TRAPPC9: variants seen among roughly 807,000 people sequenced by gnomAD.
The protein encoded by TRAPPC9 is IKK2 binding protein.
TRAPPC9 carries 83 observed loss-of-function variants against 124.0 expected under a neutral mutation model. That is an observed-to-expected ratio of 0.67 (90% CI 0.56 to 0.80). The LOEUF (loss-of-function observed/expected upper bound fraction) is 0.80, where lower values mean the gene tolerates loss of function less well. Among genes scored for constraint, TRAPPC9 ranks in the 30% least tolerant of loss-of-function variants. The probability of loss-of-function intolerance (pLI) is 0.00; values close to 1 mark genes in which losing one functional copy is unlikely to be tolerated. For missense variants in TRAPPC9, 1,302 were observed against 1,508.3 expected, an observed-to-expected ratio of 0.86 and a Z score of 2.27; for synonymous variants, 638 against 617.5, an observed-to-expected ratio of 1.03 and a Z score of -0.49.
chr8:140,300,972 GGTT>G (rs1486240290), intron 10 of TRAPPC9, among the ~76,000 whole-genome samples: 1 of 152,176 alleles, frequency 6.6e-6, no homozygotes, highest in East Asian at 1.9e-4. Context: ...CTAAGACGTA[GGTT>G]CCTTGTGTAT....
In TRAPPC9 at chr8:140,288,214, G is replaced by A. The variant is rs114762518; in HGVS notation, c.1855-480C>T. Among the ~76,000 whole-genome samples, 943 of 152,202 alleles carry A rather than the reference G, an allele frequency of 6.2e-3. 9 individuals are homozygous for A. Among genetic ancestry groups the A allele is most frequent in the African/African-American group, 0.021 (884 of 41,528 alleles). ...TTTAATTAGCCAGGGAAGGTGGCAC[G>A]CACCTGTGGTCCCAACTACTTGGGA... On this transcript the variant is annotated intron_variant, in intron 12 of 22. Coordinates refer to ENST00000438773, the MANE Select transcript of TRAPPC9 (RefSeq NM_001160372.4).
At chr8:140,064,159 A>G (rs560346699) in intron 17 of TRAPPC9, among the ~76,000 whole-genome samples, 2 of 152,300 alleles carry the variant, frequency 1.3e-5, no homozygotes, top group South Asian at 2.1e-4. Flanking sequence ...TGGCAGGAAT[A>G]ACAAATTTCT....
At chr8:139,939,309 A>T (rs2614715) in intron 19 of TRAPPC9, among the ~76,000 whole-genome samples, 28 of 152,278 alleles carry the variant, frequency 1.8e-4, no homozygotes, top group South Asian at 6.2e-4. Flanking sequence ...CAGGGCCCTG[A>T]GGTGAGTGGA....
chr8:139,901,602 G>A (rs748648417), intron 20 of TRAPPC9, among the ~76,000 whole-genome samples: 1 of 152,230 alleles, frequency 6.6e-6, no homozygotes, highest in Admixed American at 6.5e-5. Flanking sequence ...TGGAGAGCAG[G>A]TGAAATGGAC....
chr8:140,033,001 A>AT (rs1167869901), intron 17 of TRAPPC9, among the ~76,000 whole-genome samples: 1 of 152,226 alleles, frequency 6.6e-6, no homozygotes, highest in African/African-American at 2.4e-5. Flanking sequence ...ATCTTTCCAT[A>AT]TGCTTGGCAC....
chr8:140,213,585 A>AT (rs11402721), intron 17 of TRAPPC9, among the ~76,000 whole-genome samples: 38,717 of 149,726 alleles, frequency 0.26, 6,026 homozygotes, highest in East Asian at 0.56. Context: ...TTTAATCTAC[A>AT]TTTTTTTTTT....
intron 21 of TRAPPC9, among the ~76,000 whole-genome samples, chr8:139,759,030 C>T (rs1820043901): frequency 6.6e-6 from 1 of 152,216 alleles, no homozygotes; most frequent in Non-Finnish European, 1.5e-5. Flanking sequence ...TCTGGTCCGC[C>T]TCAGCATGCG....
chr8:139,806,066 G>A (rs1824031545), intron 21 of TRAPPC9: 2 of 152,200 alleles, frequency 1.3e-5, no homozygotes, highest in African/African-American at 4.8e-5. Flanking sequence ...GGCGTTAATT[G>A]AGAGCTTCCT....
At chr8:139,831,884 A>C (rs1826019244) in intron 21 of TRAPPC9, among the ~76,000 whole-genome samples, 2 of 152,176 alleles carry the variant, frequency 1.3e-5, no homozygotes, top group African/African-American at 4.8e-5. Flanking sequence ...TGCTCTTTCC[A>C]CAGTGCTTCC....
chr8:140,004,262 C>T (rs1375460846), intron 18 of TRAPPC9, among the ~76,000 whole-genome samples: 1 of 152,164 alleles, frequency 6.6e-6, no homozygotes, highest in Non-Finnish European at 1.5e-5. Flanking sequence ...TTTATCCTGA[C>T]TGTGATGGAT....
At chr8:140,284,256 G>T (rs988986858) in intron 13 of TRAPPC9, among the ~76,000 whole-genome samples, 1 of 152,158 alleles carries the variant, frequency 6.6e-6, no homozygotes, top group African/African-American at 2.4e-5. Flanking sequence ...GGCTGGCTGG[G>T]CCCAAATGAA....
chr8:139,942,399 G>T (rs1833972186), intron 19 of TRAPPC9, among the ~76,000 whole-genome samples: 1 of 152,072 alleles, frequency 6.6e-6, no homozygotes, highest in African/African-American at 2.4e-5. Context: ...AAAAAATCAT[G>T]AGAATCTTAA....
At chr8:139,870,948 T>C (rs1279975329) in intron 21 of TRAPPC9, among the ~76,000 whole-genome samples, 1 of 152,120 alleles carries the variant, frequency 6.6e-6, no homozygotes. Flanking sequence ...CCCTTGGAAG[T>C]GGGGAGTGGG....
intron 5 of TRAPPC9, among the ~76,000 whole-genome samples, chr8:140,413,853 T>C (rs371948171): frequency 6.6e-6 from 1 of 151,982 alleles, no homozygotes; most frequent in Admixed American, 6.6e-5. Context: ...TCATTTTTTA[T>C]GGCTGCATAG....
At chr8:140,095,097 G>A (rs1034461341) in intron 17 of TRAPPC9, 5 of 152,190 alleles carry the variant, frequency 3.3e-5, no homozygotes, top group African/African-American at 1.2e-4. Flanking sequence ...TCCAAACCAT[G>A]GTGTGCCTGC....
intron 21 of TRAPPC9, among the ~76,000 whole-genome samples, chr8:139,793,962 GCACCTCCCGA>G: frequency 6.6e-6 from 1 of 152,188 alleles, no homozygotes; most frequent in South Asian, 2.1e-4. Context: ...ACTGGCCACA[GCACCTCCCGA>G]CACGGCCTCT....
chr8:140,371,386 C>T (rs536797486), intron 7 of TRAPPC9, among the ~76,000 whole-genome samples: 2 of 152,390 alleles, frequency 1.3e-5, no homozygotes, highest in South Asian at 4.1e-4. Flanking sequence ...TGCAGCCCAT[C>T]TTCCTGCTGA....
At chr8:140,023,097 T>A (rs1464625764) in intron 18 of TRAPPC9, among the ~76,000 whole-genome samples, 1 of 151,446 alleles carries the variant, frequency 6.6e-6, no homozygotes, top group Non-Finnish European at 1.5e-5. Flanking sequence ...ATAATACCCA[T>A]CCAGCCCACC....
chr8:139,931,966 C>T, intron 19 of TRAPPC9: 1 of 203,224 alleles, frequency 4.9e-6, no homozygotes, highest in Non-Finnish European at 1.0e-5. Context: ...GCCACACATC[C>T]AAATTAGAAA....
Sources: gnomAD v4.1 joint callset for allele counts (sites outside exome capture counted in the v4.1 genomes callset) on GRCh38, gnomAD v4.1.1 for gene constraint, MANE v1.5 for transcripts, NCBI Gene and HGNC (gene_info 2026-07-23, HGNC 2026-07-21) for gene names.